Variants in SPARCL1 observed in about 807,000 individuals in gnomAD.
The protein encoded by SPARCL1 is SPARC-like protein 1.
SPARCL1 carries 52 observed loss-of-function variants against 67.1 expected under a neutral mutation model. The observed-to-expected ratio is 0.78, with a 90% confidence interval of 0.62 to 0.98. The LOEUF is 0.98. Among genes scored for constraint, SPARCL1 ranks in the 50% least tolerant of loss-of-function variants. The pLI, the probability that SPARCL1 is intolerant of heterozygous loss-of-function variation, is 0.00. For synonymous variants in SPARCL1, 226 were observed against 267.8 expected (o/e 0.84, Z 1.52); for missense variants, 717 against 782.4 (o/e 0.92, Z 1.00).
At position 87,482,599 on chromosome 4, in the gene SPARCL1, A is replaced by G. The variant is rs143030593; in HGVS notation, c.1532-39T>C. On this transcript the variant is annotated intron_variant, in intron 7 of 10. Coordinates refer to ENST00000282470, the MANE Select transcript of SPARCL1 (RefSeq NM_004684.6). ...AAAATGTACTGTAATCTTTGGGCTT[A>G]TTTGTGTCCTATGGCAAGTCCTCAT... 695 of 1,611,780 alleles carry G rather than the reference A, an allele frequency of 4.3e-4. 1 individual carries two copies. The African/African-American group carries it at 8.1e-3, about 19-fold the overall frequency.
At chr4:87,504,428 C>T (rs985035852) in intron 1 of SPARCL1, among the ~76,000 whole-genome samples, 3 of 152,064 alleles carry the variant, frequency 2.0e-5, no homozygotes, top group Non-Finnish European at 2.9e-5. Context: ...ATAAAATATA[C>T]TTGACATTTC....
At chr4:87,484,235 A>C (rs2110216789) in intron 7 of SPARCL1, among the ~76,000 whole-genome samples, 1 of 152,272 alleles carries the variant, frequency 6.6e-6, no homozygotes, top group South Asian at 2.1e-4. Flanking sequence ...TTAAGTCTTT[A>C]ATCCATCTTG....
chr4:87,511,468 G>A (rs1725351601), intron 1 of SPARCL1, among the ~76,000 whole-genome samples: 3 of 152,284 alleles, frequency 2.0e-5, no homozygotes, highest in Admixed American at 2.0e-4. Flanking sequence ...CTGGAGGTAA[G>A]CATGGAGTTT....
intron 7 of SPARCL1, among the ~76,000 whole-genome samples, chr4:87,482,793 G>A (rs371809173): frequency 7.2e-5 from 11 of 152,158 alleles, no homozygotes; most frequent in African/African-American, 9.7e-5. Context: ...TTGGTCTGGC[G>A]TGAAGTCTGG....
chr4:87,491,513 A>G (rs2110225433), intron 5 of SPARCL1, 105 bp downstream of exon 5: 1 of 907,652 alleles, frequency 1.1e-6, no homozygotes, highest in African/African-American at 1.6e-5. Flanking sequence ...GGGGAGAGAA[A>G]AAATTCTGTG....
intron 1 of SPARCL1, among the ~76,000 whole-genome samples, chr4:87,528,786 C>T (rs1726158679): frequency 6.6e-6 from 1 of 152,100 alleles, no homozygotes. Flanking sequence ...TCAACAGTTC[C>T]ACATTTCTAT....
chr4:87,475,997 T>A (rs1723568749), intron 10 of SPARCL1, among the ~76,000 whole-genome samples: 1 of 152,204 alleles, frequency 6.6e-6, no homozygotes, highest in Non-Finnish European at 1.5e-5. Context: ...GTGGTGGGCA[T>A]GGTAGGGATA....
chr4:87,505,870 A>T (rs897931504), intron 1 of SPARCL1, among the ~76,000 whole-genome samples: 2 of 151,940 alleles, frequency 1.3e-5, no homozygotes, highest in African/African-American at 4.8e-5. Flanking sequence ...TATATTTTAG[A>T]TCAGTATGTT....
chr4:87,503,173 G>T (rs889745787), intron 1 of SPARCL1, among the ~76,000 whole-genome samples: 1 of 152,198 alleles, frequency 6.6e-6, no homozygotes, highest in Non-Finnish European at 1.5e-5. Flanking sequence ...GTGCAGGCAG[G>T]AGGAAGGATC....
At chr4:87,500,782 GTACGCGCGCACGCACA>G (rs34151224) in intron 1 of SPARCL1, among the ~76,000 whole-genome samples, 26,318 of 151,306 alleles carry the variant, frequency 0.17, 2,898 homozygotes, top group African/African-American at 0.31. Context: ...TCACACACAC[GTACGCGCGCACGCACA>G]TACGCGCGCA....
At position 87,480,359 on chromosome 4, in the gene SPARCL1, A is replaced by G. The variant is rs755497123; in HGVS notation, c.1817+13T>C. On this transcript the variant is annotated intron_variant, in intron 9 of 10. Transcript: ENST00000282470. ...GAGATAAATCTAGAAATGGAAAGGT[A>G]AAGAGTTCTTACCTATCCATAGGGT... is the stretch of plus-strand genomic sequence containing the variant. 2.6e-6 allele frequency: 4 copies of G among 1,554,968 alleles called. No individual in the cohort carries two copies. The highest frequency in any genetic ancestry group is 2.6e-6 in the Non-Finnish European group (3 of 1,153,042).
chr4:87,487,489 T>C (rs1281849957), intron 7 of SPARCL1, among the ~76,000 whole-genome samples: 1 of 152,224 alleles, frequency 6.6e-6, no homozygotes, highest in Non-Finnish European at 1.5e-5. Context: ...CTTCCCTTTG[T>C]GGGTATTCCG....
chr4:87,492,858 T>C (rs1448917951), intron 4 of SPARCL1, among the ~76,000 whole-genome samples: 2 of 152,226 alleles, frequency 1.3e-5, no homozygotes, highest in East Asian at 3.8e-4. Flanking sequence ...GATCCTGCTG[T>C]AGTTTCCAGA....
At position 87,495,080 on chromosome 4, in the gene SPARCL1, C is replaced by A. The variant is rs114630680; in HGVS notation, c.102G>T (p.Thr34=). 2 of 1,611,514 alleles carry A rather than the reference C, an allele frequency of 1.2e-6. No individual in the cohort carries two copies. The highest frequency in any genetic ancestry group is 1.1e-5 in the South Asian group (1 of 90,144). Residue 34 remains threonine, a synonymous_variant, in exon 3 of 11, where the codon ACG becomes ACT. Coordinates refer to ENST00000282470, the MANE Select transcript of SPARCL1 (RefSeq NM_004684.6). ...GGATTGCAGTGTTGTCAGGTGCTAC[C>A]GTTTCAGCAGTTGGTTTGGAATGAT... ...LSDHSKPTAE[T]VAPDNTAIPS...
chr4:87,524,561 C>T lies in SPARCL1; in HGVS notation c.-12+4484G>A, dbSNP rs1415062890. ...AGCAGATGCCTGACCGCTTATTCAC[C>T]ATGATTGTTTCCTTACCCCTACCTA... On this transcript the variant is annotated intron_variant, in intron 1 of 10. Transcript: ENST00000282470. Among the ~76,000 whole-genome samples, 5 of 152,284 alleles carry T rather than the reference C, an allele frequency of 3.3e-5. No individual in the cohort carries two copies. The East Asian group carries it at 9.7e-4, about 29-fold the overall frequency.
intron 10 of SPARCL1, 70 bp downstream of exon 10, chr4:87,479,360 G>A: frequency 6.7e-7 from 1 of 1,496,246 alleles, no homozygotes; most frequent in Non-Finnish European, 9.1e-7. Flanking sequence ...ACCTCTCTAT[G>A]AAGCATGCAG....
intron 10 of SPARCL1, among the ~76,000 whole-genome samples, chr4:87,474,964 G>C (rs571740250): frequency 4.6e-4 from 70 of 151,548 alleles, no homozygotes; most frequent in African/African-American, 1.6e-3. Flanking sequence ...AGATGGTCTC[G>C]ATCTCTTGAA....
chr4:87,477,323 A>G (rs1224138014), intron 10 of SPARCL1, among the ~76,000 whole-genome samples: 1 of 152,182 alleles, frequency 6.6e-6, no homozygotes, highest in Non-Finnish European at 1.5e-5. Context: ...TTTCCCCTCT[A>G]GATAATGGTG....
chr4:87,516,509 G>T (rs1725588705), intron 1 of SPARCL1, among the ~76,000 whole-genome samples: 1 of 152,110 alleles, frequency 6.6e-6, no homozygotes. Context: ...ACATTCCTGA[G>T]ATTTTACTAT....
Sources: gnomAD v4.1 joint callset for allele counts (sites outside exome capture counted in the v4.1 genomes callset) on GRCh38, gnomAD v4.1.1 for gene constraint, MANE v1.5 for transcripts, NCBI Gene and HGNC (gene_info 2026-07-23, HGNC 2026-07-21) for gene names.